Variants in ERG observed in about 807,000 individuals in gnomAD.
ERG encodes transcriptional regulator ERG.
ERG carries 9 observed loss-of-function variants against 55.3 expected under a neutral mutation model. The observed-to-expected ratio is 0.16, with a 90% CI of 0.10 to 0.28. The LOEUF (loss-of-function observed/expected upper bound fraction) is 0.28. ERG is among the 10% of genes least tolerant of loss of function. ERG has a pLI of 1.00. For synonymous variants in ERG, 223 were observed against 237.3 expected (o/e 0.94, Z 0.55); for missense variants, 434 against 631.6 (o/e 0.69, Z 3.35).
At chr21:38,625,915 CTTTTT>C (rs397797559) in intron 1 of ERG, among the ~76,000 whole-genome samples, 7 of 84,424 alleles carry the variant, frequency 8.3e-5, no homozygotes, top group African/African-American at 3.0e-4. Flanking sequence ...ACTTGAAGCT[CTTTTT>C]TTTTTTTTTT....
At chr21:38,424,415 A>G (rs1361120955) in intron 2 of ERG, among the ~76,000 whole-genome samples, 1 of 152,220 alleles carries the variant, frequency 6.6e-6, no homozygotes, top group Non-Finnish European at 1.5e-5. Flanking sequence ...AGGCTAGGAC[A>G]GTGCCCATAC....
intron 1 of ERG, among the ~76,000 whole-genome samples, chr21:38,630,201 T>C (rs574662223): frequency 2.3e-4 from 35 of 152,290 alleles, no homozygotes; most frequent in African/African-American, 7.0e-4. Flanking sequence ...TTGTACAATA[T>C]TGCAAATGTG....
chr21:38,535,220 C>T (rs2059700967), intron 2 of ERG, among the ~76,000 whole-genome samples: 1 of 151,906 alleles, frequency 6.6e-6, no homozygotes, highest in Non-Finnish European at 1.5e-5. Context: ...ATGTGAGGTA[C>T]CTAGAGTAGT....
At chr21:38,419,762 T>C (rs1419755159) in intron 3 of ERG, among the ~76,000 whole-genome samples, 1 of 152,202 alleles carries the variant, frequency 6.6e-6, no homozygotes, top group Admixed American at 6.5e-5. Flanking sequence ...ATGGGCTTTT[T>C]TTTGACACTT....
At chr21:38,485,140 C>A (rs2031612618) in intron 1 of ERG, among the ~76,000 whole-genome samples, 1 of 151,862 alleles carries the variant, frequency 6.6e-6, no homozygotes, top group African/African-American at 2.4e-5. Flanking sequence ...TCCAGTGGCA[C>A]AGGGACAAGA....
At chr21:38,584,064 G>A (rs2060047101) in intron 1 of ERG, among the ~76,000 whole-genome samples, 1 of 152,192 alleles carries the variant, frequency 6.6e-6, no homozygotes, top group Non-Finnish European at 1.5e-5. Context: ...CATTTTAATT[G>A]TACCATTTCT....
chr21:38,628,712 T>C (rs2060339658), intron 1 of ERG, among the ~76,000 whole-genome samples: 2 of 152,202 alleles, frequency 1.3e-5, no homozygotes, highest in African/African-American at 4.8e-5. Context: ...GGAACTTCCC[T>C]GTCCCTTCCC....
At chr21:38,374,775 T>C in the ERG span, among the ~76,000 whole-genome samples, 2 of 152,196 alleles carry the variant, frequency 1.3e-5, 1 homozygote, top group South Asian at 4.1e-4. Context: ...CTCCTCAGTA[T>C]TTTTTGGTTC....
intron 1 of ERG, among the ~76,000 whole-genome samples, chr21:38,658,611 C>T (rs1378324383): frequency 6.6e-6 from 1 of 152,076 alleles, no homozygotes; most frequent in Non-Finnish European, 1.5e-5. Context: ...TTGAAAGTTT[C>T]CTATTACCCT....
At position 38,563,523 on chromosome 21, in the gene ERG, C is replaced by T. The variant is rs559231956; in HGVS notation, c.-41+12139G>A. On this transcript the variant is annotated intron_variant, in intron 2 of 8. Coordinates refer to the ERG transcript ENST00000398897. ...CACATGGTCCGTGAGAGCACGTCCTCTCTGCTATAAATTGGTTGTATGGTT... is the reference window on the plus strand; with the variant it reads ...CACATGGTCCGTGAGAGCACGTCCTTTCTGCTATAAATTGGTTGTATGGTT... 4.6e-5 allele frequency among the ~76,000 whole-genome samples: 7 copies of T among 152,308 alleles called. No individual in the cohort carries two copies. The South Asian group carries it at 6.2e-4, about 14-fold the overall frequency.
chr21:38,397,265 T>C (rs988402968), intron 6 of ERG, among the ~76,000 whole-genome samples: 3 of 151,970 alleles, frequency 2.0e-5, no homozygotes, highest in African/African-American at 7.3e-5. Context: ...GGCTCTGGAA[T>C]AAATGATCCA....
At chr21:38,564,338 TAAAA>T (rs938989205) in intron 2 of ERG, among the ~76,000 whole-genome samples, 3 of 151,858 alleles carry the variant, frequency 2.0e-5, no homozygotes, top group African/African-American at 7.3e-5. Flanking sequence ...AAGGGAAAAA[TAAAA>T]AGAATTATCA....
intron 2 of ERG, 113 bp downstream of exon 2, chr21:38,445,291 T>C: frequency 2.5e-6 from 2 of 790,384 alleles, no homozygotes; most frequent in South Asian, 1.7e-5. Flanking sequence ...ACAGGCACAG[T>C]GGCCTTGCTT....
intron 2 of ERG, among the ~76,000 whole-genome samples, chr21:38,431,990 C>A (rs995444502): frequency 2.0e-5 from 3 of 151,788 alleles, no homozygotes; most frequent in Non-Finnish European, 4.4e-5. Flanking sequence ...GAAGTCAATG[C>A]AAAAACATGA....
chr21:38,400,074 T>C (rs1478083864), intron 6 of ERG: 2 of 309,634 alleles, frequency 6.5e-6, no homozygotes, highest in African/African-American at 4.2e-5. Flanking sequence ...GATGTTTATT[T>C]TTGCATGAAT....
intron 2 of ERG, among the ~76,000 whole-genome samples, chr21:38,537,944 A>G (rs1314201731): frequency 6.6e-6 from 1 of 152,226 alleles, no homozygotes; most frequent in Admixed American, 6.5e-5. Flanking sequence ...TGATATACAC[A>G]TATCATGGGA....
chr21:38,597,131 C>G (rs1317045968), intron 1 of ERG, among the ~76,000 whole-genome samples: 1 of 152,212 alleles, frequency 6.6e-6, no homozygotes, highest in African/African-American at 2.4e-5. Flanking sequence ...CCTGCCTTCC[C>G]AATTTCAGAC....
chr21:38,433,894 T>C (rs1325969850), intron 2 of ERG, among the ~76,000 whole-genome samples: 4 of 152,206 alleles, frequency 2.6e-5, no homozygotes, highest in South Asian at 4.1e-4. Flanking sequence ...CCTATTCTTC[T>C]AGAGCCATCC....
chr21:38,503,186 CAT>C (rs2059434184), upstream of ERG, among the ~76,000 whole-genome samples: 1 of 151,438 alleles, frequency 6.6e-6, no homozygotes, highest in African/African-American at 2.4e-5. Context: ...TTGTAATAAA[CAT>C]AAATTATATC....
Sources: allele counts gnomAD v4.1 joint callset (sites outside exome capture counted in the v4.1 genomes callset), GRCh38; gene constraint gnomAD v4.1.1; transcripts MANE v1.5; gene names NCBI Gene and HGNC (gene_info 2026-07-23, HGNC 2026-07-21).